EPHA3: variants seen among roughly 807,000 people sequenced by gnomAD.
The protein encoded by EPHA3 is ephrin type-A receptor 3.
In EPHA3, 42 loss-of-function variants were observed where a neutral mutation model predicts 107.1. That is an observed-to-expected ratio of 0.39 (90% confidence interval 0.31 to 0.51). EPHA3 has a LOEUF of 0.51. EPHA3 is among the 20% of genes least tolerant of loss of function. EPHA3 has a pLI of 0.78. For synonymous variants in EPHA3, 461 were observed against 424.8 expected (o/e 1.09, Z -1.05); for missense variants, 1,183 against 1,211.2 (o/e 0.98, Z 0.35).
intron 2 of EPHA3, among the ~76,000 whole-genome samples, chr3:89,154,070 A>G (rs1200973168): frequency 6.6e-6 from 1 of 151,924 alleles, no homozygotes; most frequent in African/African-American, 2.4e-5. Flanking sequence ...TTCTCTTCAA[A>G]TATTGACCTC....
At position 89,431,138 on chromosome 3, in the gene EPHA3, A is replaced by C. The variant is rs570394100; in HGVS notation, c.2137-12A>C. On this transcript the variant is annotated splice_polypyrimidine_tract_variant and intron_variant, in intron 12 of 16. Transcript: ENST00000336596. ...GAACGTATCTTAATTGTACATTTGA[A>C]ATGCTTCCCAGAAACACGATGCCCA... The C allele has an allele frequency of 6.2e-5, 100 of 1,612,096 alleles. 1 individual carries two copies. In the South Asian group the frequency reaches 9.8e-4, roughly 16 times the overall value.
chr3:89,420,044 G>A (rs368522223), intron 11 of EPHA3, among the ~76,000 whole-genome samples: 1 of 151,350 alleles, frequency 6.6e-6, no homozygotes, highest in East Asian at 2.0e-4. Context: ...GTCTCAAAAG[G>A]GATCCTGTGA....
chr3:89,308,096 C>A (rs190141368), intron 3 of EPHA3, among the ~76,000 whole-genome samples: 1 of 151,966 alleles, frequency 6.6e-6, no homozygotes, highest in African/African-American at 2.4e-5. Context: ...AATTAAGCAA[C>A]CATTAAGTAA....
chr3:89,358,947 A>C (rs962176791), intron 5 of EPHA3, among the ~76,000 whole-genome samples: 2 of 151,236 alleles, frequency 1.3e-5, no homozygotes, highest in African/African-American at 4.8e-5. Flanking sequence ...ACAATGGGAC[A>C]AGAGCAAATG....
At chr3:89,133,270 T>C (rs1383607105) in intron 2 of EPHA3, among the ~76,000 whole-genome samples, 1 of 152,156 alleles carries the variant, frequency 6.6e-6, no homozygotes, top group African/African-American at 2.4e-5. Context: ...CTGATGTCAC[T>C]TCATTTTTAT....
chr3:89,342,189 A>C (rs1277860067), intron 5 of EPHA3, 99 bp downstream of exon 5: 1 of 1,085,390 alleles, frequency 9.2e-7, no homozygotes, highest in East Asian at 2.6e-5. Context: ...AAAAGATTTT[A>C]TAGAACCCCA....
At chr3:89,157,932 A>T in intron 2 of EPHA3, among the ~76,000 whole-genome samples, 1 of 151,920 alleles carries the variant, frequency 6.6e-6, no homozygotes, top group East Asian at 1.9e-4. Flanking sequence ...TTTAAATAGA[A>T]TCAACAGAGA....
At chr3:89,189,053 T>G (rs1328286029) in intron 2 of EPHA3, among the ~76,000 whole-genome samples, 1 of 152,114 alleles carries the variant, frequency 6.6e-6, no homozygotes, top group Non-Finnish European at 1.5e-5. Context: ...GTGCCTGGAG[T>G]GTAATACCTG....
intron 5 of EPHA3, among the ~76,000 whole-genome samples, chr3:89,352,457 T>G (rs1413437224): frequency 1.3e-5 from 2 of 151,412 alleles, no homozygotes; most frequent in African/African-American, 4.8e-5. Flanking sequence ...GTTTATAGGC[T>G]TTCTCGTTCA....
intron 3 of EPHA3, among the ~76,000 whole-genome samples, chr3:89,221,768 C>T (rs761880857): frequency 6.6e-6 from 1 of 152,076 alleles, no homozygotes; most frequent in African/African-American, 2.4e-5. Flanking sequence ...AAATTCAGGT[C>T]TGGCTGACTC....
At chr3:89,459,399 TTC>T (rs552113698) in intron 15 of EPHA3, among the ~76,000 whole-genome samples, 43 of 152,196 alleles carry the variant, frequency 2.8e-4, no homozygotes, top group South Asian at 8.3e-4. Flanking sequence ...TTCTTCTTTC[TTC>T]TCTTTCTCTT....
chr3:89,417,539 C>A (rs1049380190), intron 10 of EPHA3, among the ~76,000 whole-genome samples: 4 of 151,396 alleles, frequency 2.6e-5, no homozygotes, highest in African/African-American at 9.7e-5. Flanking sequence ...GAAAGAAACT[C>A]TTACTCTTGT....
rs866637849 is a variant in EPHA3 at position 89,336,954 on chromosome 3, G to A, written c.815-3962G>A. On this transcript the variant is annotated intron_variant, in intron 3 of 16. Transcript: ENST00000336596. ...AATGCACCTGTTGACCCAGGCTGAG[G>A]TGGGAGGATTGCTTGAGCCCAGGAG... 3.9e-5 allele frequency among the ~76,000 whole-genome samples: 6 copies of A among 151,990 alleles called. No individual in the cohort carries two copies. The South Asian group carries it at 1.0e-3, about 26-fold the overall frequency.
intron 12 of EPHA3, 49 bp downstream of exon 12, chr3:89,429,216 C>T: frequency 7.1e-7 from 1 of 1,399,020 alleles, no homozygotes; most frequent in South Asian, 1.2e-5. Flanking sequence ...TTGCTGAAAA[C>T]ATTAGAGACA....
At chr3:89,319,273 A>G (rs1407936298) in intron 3 of EPHA3, among the ~76,000 whole-genome samples, 3 of 152,004 alleles carry the variant, frequency 2.0e-5, no homozygotes, top group Non-Finnish European at 4.4e-5. Flanking sequence ...ATATCATGCC[A>G]TGACATGTAT....
chr3:89,261,182 A>C (rs1387800072), intron 3 of EPHA3, among the ~76,000 whole-genome samples: 1 of 152,224 alleles, frequency 6.6e-6, no homozygotes, highest in Non-Finnish European at 1.5e-5. Context: ...AAATCTGCTA[A>C]AAATTATTTT....
At chr3:89,375,282 T>C (rs1319591698) in intron 5 of EPHA3, among the ~76,000 whole-genome samples, 2 of 151,794 alleles carry the variant, frequency 1.3e-5, no homozygotes, top group Non-Finnish European at 2.9e-5. Context: ...GTATTTACAA[T>C]GATGCAAGGT....
intron 3 of EPHA3, among the ~76,000 whole-genome samples, chr3:89,279,970 A>G (rs1576285666): frequency 7.0e-6 from 1 of 142,298 alleles, no homozygotes; most frequent in Non-Finnish European, 1.5e-5. Context: ...TTATGAACTC[A>G]GGGGAAAATA....
intron 5 of EPHA3, among the ~76,000 whole-genome samples, chr3:89,376,112 A>G (rs1352555088): frequency 6.6e-6 from 1 of 151,972 alleles, no homozygotes; most frequent in Non-Finnish European, 1.5e-5. Flanking sequence ...AAAGGAACAC[A>G]TAAAGAGATA....
Sources: gnomAD v4.1 joint callset for allele counts (sites outside exome capture counted in the v4.1 genomes callset) on GRCh38, gnomAD v4.1.1 for gene constraint, MANE v1.5 for transcripts, NCBI Gene and HGNC (gene_info 2026-07-23, HGNC 2026-07-21) for gene names.